Variants in VPS53 observed in about 807,000 individuals in gnomAD.
VPS53 encodes vacuolar protein sorting-associated protein 53 homolog.
A neutral mutation model predicts 107.0 loss-of-function variants in VPS53; 70 were observed. That is an observed-to-expected ratio of 0.65 (90% CI 0.54 to 0.80). The LOEUF (loss-of-function observed/expected upper bound fraction) is 0.80. Ranked by LOEUF, VPS53 falls within the 30% of genes least tolerant of loss-of-function variation. The pLI is 0.00. For missense variants in VPS53, 917 were observed against 1,049.4 expected, an observed-to-expected ratio of 0.87 and a Z score of 1.74; for synonymous variants, 409 against 393.3, an observed-to-expected ratio of 1.04 and a Z score of -0.47.
chr17:587,201 T>TATAG (rs1236271460), intron 12 of VPS53, among the ~76,000 whole-genome samples: 2 of 152,182 alleles, frequency 1.3e-5, no homozygotes, highest in Non-Finnish European at 2.9e-5. Flanking sequence ...TAGCTGGGAC[T>TATAG]ATAGGCACAC....
At chr17:642,862 C>A (rs1411518210) in intron 7 of VPS53, among the ~76,000 whole-genome samples, 1 of 148,530 alleles carries the variant, frequency 6.7e-6, no homozygotes, top group Non-Finnish European at 1.5e-5. Context: ...AACACTCATA[C>A]TTGGAAATCG....
At chr17:521,996 G>T (rs1382358138) in intron 19 of VPS53, among the ~76,000 whole-genome samples, 2 of 152,198 alleles carry the variant, frequency 1.3e-5, no homozygotes, top group African/African-American at 4.8e-5. Flanking sequence ...GCTCACACCT[G>T]TAATCCCAGC....
intron 3 of VPS53, among the ~76,000 whole-genome samples, 160 bp downstream of exon 3, chr17:699,167 AAAAT>A (rs1221390999): frequency 2.0e-5 from 3 of 152,178 alleles, no homozygotes; most frequent in South Asian, 2.1e-4. Context: ...ATCCGTCTCA[AAAAT>A]AAATAAATAA....
chr17:653,438 C>G lies in VPS53; in HGVS notation c.489-28G>C, dbSNP rs370722486. The G allele has an allele frequency of 1.9e-6, 3 of 1,613,534 alleles. No individual in the cohort carries two copies. In the African/African-American group the frequency reaches 4.0e-5, roughly 22 times the overall value. On this transcript the variant is annotated intron_variant, in intron 6 of 21. Transcript: ENST00000437048. ...GCAAGGAAAGAATAAGTTTAAAAGT[C>G]TAGAAAAACACTAAAGACGCAAGAT...
intron 8 of VPS53, among the ~76,000 whole-genome samples, chr17:628,847 C>A (rs1350808909): frequency 6.6e-6 from 1 of 152,222 alleles, no homozygotes; most frequent in Non-Finnish European, 1.5e-5. Context: ...TGAGCGAACA[C>A]TGGAAAGATA....
intron 14 of VPS53, among the ~76,000 whole-genome samples, chr17:561,955 G>C (rs554121966): frequency 6.6e-6 from 1 of 152,218 alleles, no homozygotes; most frequent in South Asian, 2.1e-4. Flanking sequence ...TAACACAATA[G>C]TCCCCATAAT....
chr17:579,621 T>C (rs1399751899), intron 13 of VPS53, among the ~76,000 whole-genome samples: 1 of 149,558 alleles, frequency 6.7e-6, no homozygotes, highest in Non-Finnish European at 1.5e-5. Context: ...CAGAACCTAA[T>C]GCATTCCGAG....
chr17:702,747 C>T (rs1973254841), intron 2 of VPS53, among the ~76,000 whole-genome samples: 1 of 152,206 alleles, frequency 6.6e-6, no homozygotes, highest in African/African-American at 2.4e-5. Context: ...TGACTGTTTT[C>T]CCTTCATTTC....
chr17:657,599 A>G (rs373790697), intron 5 of VPS53: 222 of 737,500 alleles, frequency 3.0e-4, no homozygotes, highest in Non-Finnish European at 4.2e-4. Context: ...GCACATAGCG[A>G]AAGTTTCTTA....
chr17:564,649 G>A (rs1278100110), intron 13 of VPS53, among the ~76,000 whole-genome samples: 1 of 152,026 alleles, frequency 6.6e-6, no homozygotes, highest in Non-Finnish European at 1.5e-5. Context: ...CTCAGGAGGC[G>A]GAGGTTGCTG....
chr17:578,124 T>TCCTAAGCAGGTAATTCTTTC (rs1461978265), intron 13 of VPS53, among the ~76,000 whole-genome samples: 4 of 145,488 alleles, frequency 2.7e-5, no homozygotes, highest in African/African-American at 1.0e-4. Context: ...CAGAAAACCT[T>TCCTAAGCAGGTAATTCTTTC]CCTAAGCAGG....
chr17:696,937 C>T (rs536020364), intron 4 of VPS53, among the ~76,000 whole-genome samples: 6 of 152,118 alleles, frequency 3.9e-5, no homozygotes, highest in Non-Finnish European at 7.4e-5. Context: ...GGATTACAGG[C>T]GTGAGCCGCT....
rs1220192838 is a variant in VPS53 at position 509,395 on chromosome 17, G to C, written c.*9733C>G. Reference sequence around the variant, plus strand: ...CCTCACTAGTCACATGTCAAATCCTGGCTCACCCCTCACTAGTCACATATC... The same window carrying C: ...CCTCACTAGTCACATGTCAAATCCTCGCTCACCCCTCACTAGTCACATATC... On this transcript the variant is annotated 3_prime_UTR_variant, in exon 22 of 22. Transcript: ENST00000437048. 6.4e-6 allele frequency: 1 copy of C among 156,754 alleles called. No homozygotes were observed. Among genetic ancestry groups the C allele is most frequent in the Admixed American group, 6.7e-5 (1 of 14,932 alleles). The allele number at this position is 156,754 out of a possible 1,614,324, so 9.7% of individuals were successfully genotyped here.
intron 4 of VPS53, among the ~76,000 whole-genome samples, chr17:682,660 T>C (rs1455732891): frequency 6.6e-6 from 1 of 152,204 alleles, no homozygotes; most frequent in African/African-American, 2.4e-5. Flanking sequence ...TCACTGGGTG[T>C]TCATGAGGAA....
intron 7 of VPS53, among the ~76,000 whole-genome samples, chr17:652,677 C>T (rs1971001866): frequency 1.3e-5 from 2 of 152,216 alleles, no homozygotes; most frequent in South Asian, 2.1e-4. Context: ...CTGCACGGAG[C>T]AGGGATGAGC....
chr17:700,388 CA>C (rs879305004), intron 2 of VPS53, among the ~76,000 whole-genome samples: 1,758 of 138,632 alleles, frequency 0.013, 11 homozygotes, highest in Non-Finnish European at 0.017. Context: ...ACTAAAAATA[CA>C]AAAAAAAAAA....
intron 11 of VPS53, among the ~76,000 whole-genome samples, chr17:618,219 T>C (rs1398515715): frequency 1.3e-5 from 1 of 77,594 alleles, no homozygotes; most frequent in African/African-American, 4.2e-5. Flanking sequence ...GCCCCACTAA[T>C]ATTTCCCGGG....
chr17:682,483 G>A (rs946865630), intron 4 of VPS53, among the ~76,000 whole-genome samples: 100 of 152,284 alleles, frequency 6.6e-4, no homozygotes, highest in African/African-American at 2.3e-3. Context: ...CCATGTAGAA[G>A]GGCATGTAAG....
intron 4 of VPS53, among the ~76,000 whole-genome samples, chr17:693,318 A>G (rs942619787): frequency 6.6e-6 from 1 of 152,182 alleles, no homozygotes; most frequent in Non-Finnish European, 1.5e-5. Flanking sequence ...GCATGCTAAA[A>G]TTTATCACAG....
Sources: gnomAD v4.1 joint callset for allele counts (sites outside exome capture counted in the v4.1 genomes callset) on GRCh38, gnomAD v4.1.1 for gene constraint, MANE v1.5 for transcripts, NCBI Gene and HGNC (gene_info 2026-07-23, HGNC 2026-07-21) for gene names.